The following JAKMIP3 variants were observed in gnomAD, a reference collection of about 807,000 sequenced individuals.
The protein encoded by JAKMIP3 is janus kinase and microtubule-interacting protein 3.
In JAKMIP3, 58 loss-of-function variants were observed where a neutral mutation model predicts 118.5. The observed-to-expected ratio is 0.49, with a 90% CI of 0.40 to 0.61. The LOEUF (loss-of-function observed/expected upper bound fraction) is 0.61. Among genes scored for constraint, JAKMIP3 ranks in the 20% least tolerant of loss-of-function variants. The pLI is 0.00. For missense variants in JAKMIP3, 950 were observed against 1,109.0 expected (o/e 0.86, Z 2.04); for synonymous variants, 486 against 451.2 (o/e 1.08, Z -0.98).
At chr10:132,065,677 T>C (rs2133875667), upstream of JAKMIP3, among the ~76,000 whole-genome samples, 2 of 152,214 alleles carry the variant, frequency 1.3e-5, no homozygotes, top group South Asian at 4.1e-4. This position sits in a 1 kb window ranked among gnomAD's most constrained non-coding sequence, Gnocchi z 5.6. Context: ...GGATCTCACC[T>C]GCGTGGCTGT....
chr10:132,102,648 C>T (rs113860573), intron 1 of JAKMIP3, among the ~76,000 whole-genome samples: 4,618 of 152,298 alleles, frequency 0.03, 108 homozygotes, highest in South Asian at 0.13. Flanking sequence ...CGGGTCACCT[C>T]CGACCCTCCT....
intron 3 of JAKMIP3, among the ~76,000 whole-genome samples, chr10:132,129,290 G>A (rs1438807353): frequency 1.3e-5 from 2 of 152,162 alleles, no homozygotes; most frequent in Non-Finnish European, 2.9e-5. Context: ...CTTCTATTCT[G>A]TCTGGGCTTG....
intron 16 of JAKMIP3, among the ~76,000 whole-genome samples, chr10:132,151,064 T>C (rs117532781): frequency 0.11 from 17,258 of 151,948 alleles, 1,326 homozygotes; most frequent in Middle Eastern, 0.16. Flanking sequence ...CATTAACCTT[T>C]CACCCATCCA....
At chr10:132,138,022 C>T in intron 8 of JAKMIP3, 97 bp from the exon 9 acceptor site, 2 of 1,169,850 alleles carry the variant, frequency 1.7e-6, no homozygotes, top group South Asian at 2.7e-5. Flanking sequence ...ACCGTCTTCC[C>T]TGTCATCCAA....
At chr10:132,059,877 A>AG (rs2038344995), upstream of JAKMIP3, among the ~76,000 whole-genome samples, 1 of 152,106 alleles carries the variant, frequency 6.6e-6, no homozygotes, top group Non-Finnish European at 1.5e-5. Context: ...AGAAAGAGGG[A>AG]GGGAGGATGG....
chr10:132,117,548 G>A lies in JAKMIP3; in HGVS notation c.607G>A (p.Glu203Lys). The change falls in exon 3 of 24, where the codon GAG becomes AAG. Residue 203 changes from glutamate (E) to lysine (K), a missense_variant. Glu to Lys is a moderately conservative substitution (Grantham distance 56). Coordinates refer to ENST00000684848, the MANE Select transcript of JAKMIP3 (RefSeq NM_001323087.2). This position sits in a 1 kb window ranked among gnomAD's most constrained non-coding sequence, Gnocchi z 8.6. ...GGAGGAGATCACCCGCATCAAGAAG[G>A]AGTGCGAGCGGGAGATCCGCAGGCT... The part of the protein sequence containing the change: ...HQEEITRIKK[E>K]CEREIRRLME... The A allele has an allele frequency of 6.4e-7, 1 of 1,571,288 alleles. No homozygotes were observed. The highest frequency in any genetic ancestry group is 1.4e-5 in the African/African-American group (1 of 74,026).
At chr10:132,108,376 A>G (rs561153599) in intron 2 of JAKMIP3, among the ~76,000 whole-genome samples, 1 of 152,232 alleles carries the variant, frequency 6.6e-6, no homozygotes, top group Admixed American at 6.5e-5. Context: ...CCCGGGGGAC[A>G]GTGGATTTCC....
At chr10:132,038,114 C>T (rs2037576313) in intron 1 of JAKMIP3, among the ~76,000 whole-genome samples, 1 of 152,232 alleles carries the variant, frequency 6.6e-6, no homozygotes, top group African/African-American at 2.4e-5. Flanking sequence ...CATGGACAAG[C>T]TTCCTGTTTT....
intron 1 of JAKMIP3, among the ~76,000 whole-genome samples, chr10:132,103,750 C>T (rs536502389): frequency 6.6e-6 from 1 of 152,132 alleles, no homozygotes; most frequent in South Asian, 2.1e-4. Context: ...CTGGGCCATA[C>T]AGCAGGAGGC....
intron 1 of JAKMIP3, among the ~76,000 whole-genome samples, chr10:132,085,320 A>G (rs937829384): frequency 1.3e-5 from 2 of 152,116 alleles, no homozygotes; most frequent in Admixed American, 1.3e-4. Context: ...CCAGGAATTT[A>G]TCCATCTCCG....
At chr10:132,149,290 A>G in intron 14 of JAKMIP3, 122 bp from the exon 15 acceptor site, 1 of 662,486 alleles carries the variant, frequency 1.5e-6, no homozygotes, top group Admixed American at 3.0e-5. Flanking sequence ...TTTGGTTTTC[A>G]TAAATGCTGT....
intron 23 of JAKMIP3, among the ~76,000 whole-genome samples, chr10:132,180,257 G>A (rs1211438925): frequency 6.6e-6 from 1 of 152,128 alleles, no homozygotes; most frequent in Non-Finnish European, 1.5e-5. Flanking sequence ...CTTGAGTGAG[G>A]ACCCTGGGGT....
chr10:132,135,918 G>A lies in JAKMIP3; in HGVS notation c.970-12G>A, dbSNP rs367600387. ...CACTTAAAGAACAATCACATAGTGC[G>A]TTGTCTTTCAGTTGAAGCGCGTAAG... is the stretch of plus-strand genomic sequence containing the variant. On this transcript the variant is annotated splice_polypyrimidine_tract_variant and intron_variant, in intron 5 of 23. Transcript: ENST00000684848. 2.3e-5 allele frequency: 37 copies of A among 1,609,478 alleles called. No homozygotes were observed. Among genetic ancestry groups the A allele is most frequent in the Middle Eastern group, 1.6e-4 (1 of 6,064 alleles).
chr10:132,109,449 TCTC>T (rs2046507961), intron 2 of JAKMIP3, among the ~76,000 whole-genome samples: 1 of 152,078 alleles, frequency 6.6e-6, no homozygotes, highest in Non-Finnish European at 1.5e-5. Context: ...AACTAGAAGC[TCTC>T]CGCCCGGCTG....
intron 1 of JAKMIP3, among the ~76,000 whole-genome samples, chr10:132,045,487 G>T (rs1198819254): frequency 6.6e-6 from 1 of 152,206 alleles, no homozygotes; most frequent in African/African-American, 2.4e-5. Context: ...AAGGGCACAT[G>T]TGGTTGTGCT....
intron 9 of JAKMIP3, among the ~76,000 whole-genome samples, chr10:132,139,965 C>T (rs7096456): frequency 0.25 from 38,773 of 152,090 alleles, 5,783 homozygotes; most frequent in Non-Finnish European, 0.34. Flanking sequence ...AAGATGCAGA[C>T]GTCGGGGTGA....
chr10:132,093,026 G>T (rs1460865902), intron 1 of JAKMIP3, among the ~76,000 whole-genome samples: 1 of 152,180 alleles, frequency 6.6e-6, no homozygotes, highest in Admixed American at 6.5e-5. Flanking sequence ...GAGTTTTCTG[G>T]AGGTCCACTC....
At chr10:132,147,857 A>G in intron 13 of JAKMIP3, 95 bp from the exon 14 acceptor site, 1 of 867,306 alleles carries the variant, frequency 1.2e-6, no homozygotes, top group Non-Finnish European at 1.8e-6. Context: ...CCTCCCCGGC[A>G]GCCAGCAGCT....
Position 132,172,578 on chromosome 10 carries a change from T to C in JAKMIP3, c.*1103+3545T>C, listed in dbSNP as rs1463627510. 1.3e-5 allele frequency among the ~76,000 whole-genome samples: 2 copies of C among 149,772 alleles called. 1 individual carries two copies. Among genetic ancestry groups the C allele is most frequent in the East Asian group, 3.9e-4 (2 of 5,182 alleles). On this transcript the variant is annotated intron_variant, in intron 23 of 23. Transcript: ENST00000684848. ...AGACCTGCCCCTTTTCTCCTATTTC[T>C]TTGCTTATGTATCGCACTGTATGCT...
Sources: gnomAD v4.1 joint callset for allele counts (sites outside exome capture counted in the v4.1 genomes callset) on GRCh38, gnomAD v4.1.1 for gene constraint, Gnocchi (gnomAD v3.1) non-coding constraint, MANE v1.5 for transcripts, NCBI Gene and HGNC (gene_info 2026-07-23, HGNC 2026-07-21) for gene names.